OTOGL: variants seen among roughly 807,000 people sequenced by gnomAD.
OTOGL encodes otogelin like.
A neutral mutation model predicts 318.5 loss-of-function variants in OTOGL; 285 were observed. The ratio of observed to expected loss-of-function variants is 0.89; its 90% CI spans 0.81 to 0.99. OTOGL has a LOEUF of 0.99. Among genes scored for constraint, OTOGL ranks in the 50% least tolerant of loss-of-function variants. The pLI is 0.00. For synonymous variants in OTOGL, 987 were observed against 936.5 expected (o/e 1.05, Z -0.99); for missense variants, 2,899 against 2,845.6 (o/e 1.02, Z -0.43).
chr12:80,374,072 G>A (rs1891042754), intron 57 of OTOGL, among the ~76,000 whole-genome samples: 1 of 152,172 alleles, frequency 6.6e-6, no homozygotes, highest in Non-Finnish European at 1.5e-5. Flanking sequence ...CAGGGCTGCT[G>A]TAACAAACCA....
At chr12:80,341,690 G>T (rs1888777559) in intron 43 of OTOGL, among the ~76,000 whole-genome samples, 2 of 152,092 alleles carry the variant, frequency 1.3e-5, no homozygotes, top group African/African-American at 4.8e-5. Context: ...AATCTTCTCT[G>T]ATCTCTTCAT....
At chr12:80,107,292 G>A (rs1262402845) in intron 1 of OTOGL, among the ~76,000 whole-genome samples, 2 of 152,090 alleles carry the variant, frequency 1.3e-5, no homozygotes, top group East Asian at 1.9e-4. Context: ...TTCAAAAGAA[G>A]GCATACATGT....
chr12:80,253,437 A>G, intron 13 of OTOGL, 29 bp from the exon 14 acceptor site: 1 of 1,549,284 alleles, frequency 6.5e-7, no homozygotes, highest in Non-Finnish European at 8.9e-7. Flanking sequence ...TTTCTTTTGA[A>G]ATTTTGATGT....
chr12:80,217,016 C>T (rs896230009), intron 4 of OTOGL, among the ~76,000 whole-genome samples: 11 of 152,194 alleles, frequency 7.2e-5, no homozygotes, highest in African/African-American at 2.6e-4. Flanking sequence ...TGTCAGTCAG[C>T]TCTTTGGAGC....
chr12:80,140,153 T>C (rs1871841506), intron 1 of OTOGL, among the ~76,000 whole-genome samples: 1 of 152,154 alleles, frequency 6.6e-6, no homozygotes, highest in Non-Finnish European at 1.5e-5. Context: ...ACATTTCGAG[T>C]CTACCTCATT....
At chr12:80,291,446 C>G (rs544837697) in intron 26 of OTOGL, among the ~76,000 whole-genome samples, 1 of 152,246 alleles carries the variant, frequency 6.6e-6, no homozygotes, top group South Asian at 2.1e-4. Context: ...TTTTAAAAGC[C>G]TCTTGAGGTT....
At chr12:80,366,679 C>A in intron 53 of OTOGL, 42 bp downstream of exon 53, 1 of 813,494 alleles carries the variant, frequency 1.2e-6, no homozygotes, top group Non-Finnish European at 1.6e-6. Context: ...AAATGAATAT[C>A]ATTAGTATCT....
intron 1 of OTOGL, among the ~76,000 whole-genome samples, chr12:80,165,137 T>A (rs1458977074): frequency 6.6e-6 from 1 of 152,190 alleles, no homozygotes; most frequent in Non-Finnish European, 1.5e-5. Context: ...TAAATGGGTC[T>A]TGAAAAAATT....
intron 32 of OTOGL, among the ~76,000 whole-genome samples, chr12:80,314,875 T>C (rs937649151): frequency 2.6e-5 from 4 of 152,180 alleles, no homozygotes; most frequent in African/African-American, 9.6e-5. Flanking sequence ...TGAAATTCTT[T>C]CTTTTAGCTA....
In OTOGL at chr12:80,370,568, A is replaced by T. The variant is rs1451004028; in HGVS notation, c.6616-2A>T. 1 of 1,516,556 alleles carries T rather than the reference A, an allele frequency of 6.6e-7. No individual in the cohort carries two copies. Among genetic ancestry groups the T allele is most frequent in the Admixed American group, 2.2e-5 (1 of 44,446 alleles). 93.9% of individuals were successfully genotyped at this position (1,516,556 alleles called of 1,614,324 possible). On this transcript the variant is annotated splice_acceptor_variant, in intron 55 of 58. Coordinates refer to ENST00000547103, the MANE Select transcript of OTOGL (RefSeq NM_001378609.3). LOFTEE classifies it high-confidence loss of function. ...AATAGTAACTTTCTTTTTGATTTTT[A>T]GGTAGGGAGTACCTGGCACTACAAT...
intron 35 of OTOGL, 78 bp from the exon 36 acceptor site, chr12:80,328,587 C>T: frequency 1.9e-6 from 2 of 1,060,656 alleles, no homozygotes; most frequent in Non-Finnish European, 2.8e-6. Context: ...ATCTTAGTCG[C>T]ATATGTTAAA....
At chr12:80,373,788 C>G (rs1249957803) in intron 57 of OTOGL, among the ~76,000 whole-genome samples, 1 of 151,898 alleles carries the variant, frequency 6.6e-6, no homozygotes, top group African/African-American at 2.4e-5. Flanking sequence ...CAAGTCATAC[C>G]TCTTGTAAGT....
intron 24 of OTOGL, among the ~76,000 whole-genome samples, chr12:80,273,708 C>T (rs1883582126): frequency 6.6e-6 from 1 of 151,982 alleles, no homozygotes; most frequent in Non-Finnish European, 1.5e-5. Flanking sequence ...TGCTTTATTG[C>T]ACTTCACAGG....
intron 8 of OTOGL, among the ~76,000 whole-genome samples, chr12:80,229,987 G>A (rs1257176748): frequency 2.7e-5 from 4 of 150,338 alleles, no homozygotes; most frequent in Non-Finnish European, 5.9e-5. Context: ...CGTATTTGGT[G>A]GAAGGTTTTT....
intron 1 of OTOGL, among the ~76,000 whole-genome samples, chr12:80,130,382 G>T (rs1381305952): frequency 6.6e-6 from 1 of 152,220 alleles, no homozygotes; most frequent in Non-Finnish European, 1.5e-5. Context: ...TAGATTGCAT[G>T]AGCTAAAGGT....
rs181624666 is a variant in OTOGL at position 80,262,472 on chromosome 12, G to A, written c.2014+379G>A. Among the ~76,000 whole-genome samples, 6 of 152,158 alleles carry A rather than the reference G, an allele frequency of 3.9e-5. No homozygotes were observed. The South Asian group carries it at 6.2e-4, about 16-fold the overall frequency. ...ATGCTGTGATAGTCCAGGGATGTTC[G>A]ATGTCAGTTATTACCATCTCATTAC... On this transcript the variant is annotated intron_variant, in intron 19 of 58. Coordinates refer to ENST00000547103, the MANE Select transcript of OTOGL (RefSeq NM_001378609.3).
At chr12:80,310,554 CTGTT>C in intron 29 of OTOGL, 53 bp from the exon 30 acceptor site, 4 of 1,219,364 alleles carry the variant, frequency 3.3e-6, no homozygotes, top group Middle Eastern at 2.2e-4. Flanking sequence ...GTAGGTTACT[CTGTT>C]TGAGAAATTG....
intron 1 of OTOGL, among the ~76,000 whole-genome samples, chr12:80,182,870 G>A (rs1024193792): frequency 6.6e-6 from 1 of 152,190 alleles, no homozygotes; most frequent in African/African-American, 2.4e-5. Context: ...CACTTGGAAA[G>A]ATCACCACGG....
At chr12:80,175,468 A>C (rs1325115730) in intron 1 of OTOGL, among the ~76,000 whole-genome samples, 1 of 152,210 alleles carries the variant, frequency 6.6e-6, no homozygotes, top group Non-Finnish European at 1.5e-5. Context: ...CACTTGTAGC[A>C]TTGCCTTGCT....
Sources: gnomAD v4.1 joint callset for allele counts (sites outside exome capture counted in the v4.1 genomes callset) on GRCh38, gnomAD v4.1.1 for gene constraint, MANE v1.5 for transcripts, NCBI Gene and HGNC (gene_info 2026-07-23, HGNC 2026-07-21) for gene names.